Variants in GRIP1 observed in about 807,000 individuals in gnomAD.
The protein encoded by GRIP1 is glutamate receptor interacting protein 1, also known as glutamate receptor-interacting protein 1.
A neutral mutation model predicts 129.9 loss-of-function variants in GRIP1; 45 were observed. The ratio of observed to expected loss-of-function variants is 0.35; its 90% CI spans 0.27 to 0.44. The LOEUF is 0.44. Among genes scored for constraint, GRIP1 ranks in the 20% least tolerant of loss-of-function variants. GRIP1 has a pLI of 1.00. For missense variants in GRIP1, 1,196 were observed against 1,396.8 expected (o/e 0.86, Z 2.29); for synonymous variants, 530 against 520.8 (o/e 1.02, Z -0.24).
intron 1 of GRIP1, among the ~76,000 whole-genome samples, chr12:66,840,667 C>T (rs902138454): frequency 6.6e-6 from 1 of 152,186 alleles, no homozygotes; most frequent in Non-Finnish European, 1.5e-5. Flanking sequence ...CACTACTGAG[C>T]AATCTATTTA....
chr12:67,059,696 T>C (rs1459178304), intron 1 of GRIP1, among the ~76,000 whole-genome samples: 10 of 152,236 alleles, frequency 6.6e-5, no homozygotes, highest in Non-Finnish European at 1.3e-4. Context: ...TTCACTTGTA[T>C]ATCTTAAAAG....
intron 1 of GRIP1, among the ~76,000 whole-genome samples, chr12:66,985,083 C>G (rs907026741): frequency 5.9e-5 from 9 of 152,118 alleles, no homozygotes; most frequent in African/African-American, 9.7e-5. Flanking sequence ...AGCCAGTATA[C>G]GTACAAATTT....
rs542360618 is a variant in GRIP1, at chr12:66,677,672, A to G, written c.55+1178T>C. Among the ~76,000 whole-genome samples the G allele has an allele frequency of 2.6e-5, 4 of 152,256 alleles. No homozygotes were observed. The South Asian group carries it at 8.3e-4, about 32-fold the overall frequency. On this transcript the variant is annotated intron_variant, in intron 1 of 24. Coordinates refer to ENST00000359742, the MANE Select transcript of GRIP1 (RefSeq NM_001366722.1). ...AAAGGACTCACTCTGCTATCCAAAC[A>G]ACTTGCAAATGCATTCGGTAAGTTG...
At chr12:66,466,969 G>A (rs1487489257) in intron 7 of GRIP1, among the ~76,000 whole-genome samples, 1 of 152,158 alleles carries the variant, frequency 6.6e-6, no homozygotes, top group Non-Finnish European at 1.5e-5. Flanking sequence ...CCATGGGAGA[G>A]AGCCATCTTC....
chr12:66,725,264 C>T (rs1260456005), intron 1 of GRIP1, among the ~76,000 whole-genome samples: 1 of 152,068 alleles, frequency 6.6e-6, no homozygotes, highest in African/African-American at 2.4e-5. Flanking sequence ...GATCACGCCA[C>T]TGCACTCCAG....
intron 15 of GRIP1, among the ~76,000 whole-genome samples, chr12:66,419,267 G>C (rs1471107164): frequency 6.6e-6 from 1 of 152,078 alleles, no homozygotes; most frequent in East Asian, 1.9e-4. Context: ...CATGGAGAGA[G>C]AGAGAGTAGA....
rs181585080 is a variant in GRIP1, at chr12:66,391,904, T to C, written c.2464+404A>G. ...CAGGAATAAATAGAGTCACAAATCA[T>C]TGGCTAATCTCTTATGCACCTCTTC... On this transcript the variant is annotated intron_variant, in intron 19 of 24. Transcript: ENST00000359742. Among the ~76,000 whole-genome samples the C allele has an allele frequency of 1.8e-3, 276 of 152,186 alleles. 2 individuals carry two copies. Among genetic ancestry groups the C allele is most frequent in the African/African-American group, 5.8e-3 (242 of 41,500 alleles).
chr12:66,974,740 G>A lies in GRIP1; in HGVS notation c.58+94310C>T, dbSNP rs200844523. 5.4e-4 allele frequency among the ~76,000 whole-genome samples: 82 copies of A among 152,254 alleles called. No homozygotes were observed. In the East Asian group the frequency reaches 7.3e-3, roughly 14 times the overall value. ...GATTTTTACTGCACATTTTCCTTAT[G>A]ATAAATTCTTAGAAGTATCCAGGTC... On this transcript the variant is annotated intron_variant, in intron 1 of 1. Coordinates refer to the GRIP1 transcript ENST00000643019.
intron 1 of GRIP1, among the ~76,000 whole-genome samples, chr12:66,613,498 A>C (rs984442929): frequency 6.6e-6 from 1 of 152,204 alleles, no homozygotes; most frequent in African/African-American, 2.4e-5. Context: ...TTGAAAAACA[A>C]GGCATCTACA....
At chr12:67,068,763 T>C (rs1414871926) in intron 1 of GRIP1, among the ~76,000 whole-genome samples, 5 of 120,556 alleles carry the variant, frequency 4.1e-5, no homozygotes, top group African/African-American at 6.5e-5. Context: ...GAAGCTGGAG[T>C]TTCCCCTACA....
intron 1 of GRIP1, among the ~76,000 whole-genome samples, chr12:66,884,843 T>C (rs1190358295): frequency 6.6e-6 from 1 of 152,182 alleles, no homozygotes; most frequent in Non-Finnish European, 1.5e-5. Flanking sequence ...CTGGCAATTT[T>C]GTCTCAAAAT....
At chr12:66,466,753 A>C (rs2059298102) in intron 7 of GRIP1, among the ~76,000 whole-genome samples, 1 of 152,200 alleles carries the variant, frequency 6.6e-6, no homozygotes, top group Admixed American at 6.5e-5. Context: ...CCTTTGAGTC[A>C]TGTCATTTTT....
intron 1 of GRIP1, among the ~76,000 whole-genome samples, chr12:66,648,650 G>C (rs1357277195): frequency 6.6e-6 from 1 of 152,192 alleles, no homozygotes; most frequent in Admixed American, 6.5e-5. Context: ...AATTTAATCA[G>C]AGAATGGCTG....
chr12:66,856,310 G>A (rs10878514), intron 1 of GRIP1, among the ~76,000 whole-genome samples: 37,362 of 151,922 alleles, frequency 0.25, 4,968 homozygotes, highest in East Asian at 0.49. Flanking sequence ...ACATAGGCAT[G>A]GGCAAGGACT....
At chr12:66,416,795 C>G (rs540860977) in intron 15 of GRIP1, among the ~76,000 whole-genome samples, 14 of 152,070 alleles carry the variant, frequency 9.2e-5, no homozygotes, top group African/African-American at 3.4e-4. Context: ...AAACCTGGGA[C>G]CCAAAGGCTT....
At chr12:66,661,835 T>C (rs544186801) in intron 1 of GRIP1, among the ~76,000 whole-genome samples, 5 of 152,294 alleles carry the variant, frequency 3.3e-5, no homozygotes, top group Admixed American at 2.6e-4. Context: ...CCTTAAGACA[T>C]TTTAAGTCAA....
intron 1 of GRIP1, among the ~76,000 whole-genome samples, chr12:67,021,428 ATC>A (rs1442287498): frequency 1.3e-5 from 2 of 152,188 alleles, no homozygotes; most frequent in Non-Finnish European, 2.9e-5. Flanking sequence ...TTTCAGATTC[ATC>A]TCTGTTGTAT....
chr12:66,475,394 C>T (rs972480272), intron 7 of GRIP1, among the ~76,000 whole-genome samples: 14 of 152,062 alleles, frequency 9.2e-5, no homozygotes, highest in East Asian at 3.9e-4. Flanking sequence ...ACTTTAACAC[C>T]GCACTGTCAA....
chr12:66,786,990 A>G (rs1410685159), intron 1 of GRIP1, among the ~76,000 whole-genome samples: 1 of 152,126 alleles, frequency 6.6e-6, no homozygotes, highest in Non-Finnish European at 1.5e-5. Context: ...GCTGGAGAGG[A>G]AGGAGAAGAA....
Sources: allele counts gnomAD v4.1 joint callset (sites outside exome capture counted in the v4.1 genomes callset), GRCh38; gene constraint gnomAD v4.1.1; transcripts MANE v1.5; gene names NCBI Gene and HGNC (gene_info 2026-07-23, HGNC 2026-07-21).